Variants in DNAH12 observed in about 807,000 individuals in gnomAD.
DNAH12 encodes the protein axonemal beta dynein heavy chain 12.
Under a neutral mutation model 371.5 loss-of-function variants are expected in DNAH12, and 285 were observed. The observed-to-expected ratio is 0.77, with a 90% CI of 0.70 to 0.85. DNAH12 has a LOEUF of 0.85. Among genes scored for constraint, DNAH12 ranks in the 40% least tolerant of loss-of-function variants. The pLI is 0.00. For synonymous variants in DNAH12, 1,200 were observed against 1,213.0 expected (o/e 0.99, Z 0.22); for missense variants, 3,611 against 3,689.4 (o/e 0.98, Z 0.55).
chr3:57,459,895 A>T lies in DNAH12; in HGVS notation c.2737-109T>A, dbSNP rs377217796. 69 of 963,160 alleles carry T rather than the reference A, an allele frequency of 7.2e-5. No individual in the cohort carries two copies. In the South Asian group the frequency reaches 8.3e-4, roughly 12 times the overall value. 59.7% of individuals were successfully genotyped at this position (963,160 alleles called of 1,614,324 possible). ...CTATTATTTTTAAATAAGTGCAAACATCTCACAGCTTAAGGTTACTTATGT... is the reference window on the plus strand; with the variant it reads ...CTATTATTTTTAAATAAGTGCAAACTTCTCACAGCTTAAGGTTACTTATGT... On this transcript the variant is annotated intron_variant, in intron 19 of 73. Transcript: ENST00000495027.
At chr3:57,383,913 A>C (rs1285236960) in intron 49 of DNAH12, among the ~76,000 whole-genome samples, 1 of 152,160 alleles carries the variant, frequency 6.6e-6, no homozygotes, top group East Asian at 1.9e-4. Context: ...TACAGGGCTG[A>C]TGTTACTGAA....
chr3:57,308,580 T>C (rs1297063550), intron 69 of DNAH12, among the ~76,000 whole-genome samples: 2 of 152,160 alleles, frequency 1.3e-5, no homozygotes, highest in African/African-American at 4.8e-5. Flanking sequence ...CTATCTTGTC[T>C]AGTCATACTC....
intron 58 of DNAH12, among the ~76,000 whole-genome samples, chr3:57,359,559 C>CAAAAAAAAAAAAA (rs1268515074): frequency 1.9e-4 from 14 of 72,050 alleles, no homozygotes; most frequent in South Asian, 7.0e-4. Context: ...AACTCCATCT[C>CAAAAAAAAAAAAA]AAAAAAAAAA....
At chr3:57,322,612 A>G in intron 64 of DNAH12, 129 bp from the exon 65 acceptor site, 1 of 1,128,746 alleles carries the variant, frequency 8.9e-7, no homozygotes, top group Non-Finnish European at 1.2e-6. Flanking sequence ...TCTTAAGGTT[A>G]AGCATCTGAG....
In DNAH12 at chr3:57,405,723, G is replaced by A; in HGVS notation, c.6506C>T (p.Thr2169Ile). 6.4e-7 allele frequency: 1 copy of A among 1,551,644 alleles called. No individual in the cohort carries two copies. The highest frequency in any genetic ancestry group is 1.4e-5 in the African/African-American group (1 of 73,146). The change falls in exon 41 of 74, where the codon ACT becomes ATT. Residue 2169 changes from threonine (T) to isoleucine (I), a missense_variant. Physicochemically the swap from Thr to Ile is moderately conservative, Grantham distance 89. Coordinates refer to ENST00000495027, the MANE Select transcript of DNAH12 (RefSeq NM_001366028.2). ...DRRWLFQLTK[T>I]VIKDHFKESF... ...TTCTTTAAAATGGTCCTTTATAACA[G>A]TTTTAGTTAACTGGAACAGCCATCT...
chr3:57,518,314 C>G (rs1344662425), intron 4 of DNAH12, among the ~76,000 whole-genome samples: 1 of 152,084 alleles, frequency 6.6e-6, no homozygotes, highest in Non-Finnish European at 1.5e-5. Context: ...CACTGGAGGT[C>G]AGGAGTTTGA....
intron 43 of DNAH12, 72 bp downstream of exon 43, chr3:57,403,237 G>GCTGGT: frequency 2.9e-6 from 4 of 1,402,280 alleles, no homozygotes; most frequent in Non-Finnish European, 3.8e-6. Flanking sequence ...AGCTACACAG[G>GCTGGT]CTGGTTCTCT....
chr3:57,351,065 T>C (rs2062660761), intron 60 of DNAH12, among the ~76,000 whole-genome samples: 1 of 151,474 alleles, frequency 6.6e-6, no homozygotes, highest in Non-Finnish European at 1.5e-5. Context: ...GGTCAGGAGT[T>C]TGAGACCAGC....
rs767822957 is a variant in DNAH12, at chr3:57,542,778, G to A, written c.93C>T (p.Gly31=). 174 of 1,611,628 alleles carry A rather than the reference G, an allele frequency of 1.1e-4. 1 individual carries two copies. Among genetic ancestry groups the A allele is most frequent in the Non-Finnish European group, 1.4e-4 (164 of 1,179,166 alleles). Residue 31 remains glycine, a synonymous_variant, in exon 2 of 74, where the codon GGC becomes GGT. Coordinates refer to ENST00000495027, the MANE Select transcript of DNAH12 (RefSeq NM_001366028.2). ...GCTTACTTTGTGTTGGTGTATCAAC[G>A]CCTATGTTTTCTGGGAGATGGACAA... The part of the protein sequence containing the change: ...PPIVHLPENI[G]VDTPTQSKLL...
chr3:57,508,679 A>T, intron 6 of DNAH12, 139 bp from the exon 7 acceptor site: 1 of 896,088 alleles, frequency 1.1e-6, no homozygotes, highest in Non-Finnish European at 1.6e-6. Context: ...CAGCAATGGG[A>T]ACCTTAAGAT....
Position 57,453,289 on chromosome 3 carries a change from C to A in DNAH12, c.3571G>T (p.Asp1191Tyr). ...RTTLGALVTI[D>Y]VHARDVVMDM... ...ATGACCACATCTCTAGCATGGACATCAATAGTAACCAAAGCCCCCAGAGTG... is the reference window on the plus strand; with the variant it reads ...ATGACCACATCTCTAGCATGGACATAAATAGTAACCAAAGCCCCCAGAGTG... Residue 1191 changes from aspartate to tyrosine, a missense_variant, in exon 24 of 74, where the codon GAT (aspartate) becomes TAT (tyrosine). Transcript: ENST00000495027. 1 of 1,548,386 alleles carries A rather than the reference C, an allele frequency of 6.5e-7. No homozygotes were observed. The highest frequency in any genetic ancestry group is 1.4e-5 in the African/African-American group (1 of 72,940).
At chr3:57,507,607 T>C (rs1175220493) in intron 8 of DNAH12, 36 bp downstream of exon 8, 1 of 1,404,916 alleles carries the variant, frequency 7.1e-7, no homozygotes, top group Non-Finnish European at 9.4e-7. Context: ...CTAATTTTAA[T>C]AACATTATCA....
intron 30 of DNAH12, 120 bp downstream of exon 30, chr3:57,436,831 C>T (rs373793950): frequency 3.3e-5 from 20 of 615,316 alleles, no homozygotes; most frequent in African/African-American, 2.6e-4. Context: ...GGCCAGGGGG[C>T]GGGCGGGGGT....
rs1436915531 is a variant in DNAH12, at chr3:57,296,431, A to G, written c.11537T>C (p.Ile3846Thr). 5 of 1,550,432 alleles carry G rather than the reference A, an allele frequency of 3.2e-6. No homozygotes were observed. Among genetic ancestry groups the G allele is most frequent in the African/African-American group, 1.4e-5 (1 of 73,130 alleles). Residue 3846 changes from isoleucine (I) to threonine (T), a missense_variant, in exon 72 of 74, where the codon ATC becomes ACC. Ile to Thr is a moderately conservative substitution (Grantham distance 89). This residue lies in a region of DNAH12 where 2,266 missense variants were observed against 2,236.9 expected (regional missense o/e 1.01). Coordinates refer to ENST00000495027, the MANE Select transcript of DNAH12 (RefSeq NM_001366028.2). ...IDLLGYEFEVIPSDTSDTSPE... is the reference protein window; with the variant it reads ...IDLLGYEFEVTPSDTSDTSPE... ...TGATGTGTCAGATGTATCAGATGGG[A>G]TAACCTGAAGGGATAGGCACACACT... is the stretch of plus-strand genomic sequence containing the variant.
chr3:57,385,243 G>A (rs997626708), intron 48 of DNAH12, 106 bp downstream of exon 48: 2 of 152,130 alleles, frequency 1.3e-5, no homozygotes, highest in African/African-American at 4.8e-5. Context: ...AATGGAAAAG[G>A]GTAAAGTCTC....
At position 57,421,590 on chromosome 3, in the gene DNAH12, T is replaced by C; in HGVS notation, c.5490A>G (p.Pro1830=). ...LIILGKDDEN[P]VPDSVGKWEC... ...CCCATTTACCCACAGAATCTGGCACTGGGTTTTCATCATCTTTTCCCAGTA... is the reference window on the plus strand; with the variant it reads ...CCCATTTACCCACAGAATCTGGCACCGGGTTTTCATCATCTTTTCCCAGTA... The change falls in exon 36 of 74, where the codon CCA becomes CCG. Residue 1830 remains proline, a synonymous_variant. Transcript: ENST00000495027. 1 of 1,551,694 alleles carries C rather than the reference T, an allele frequency of 6.4e-7. No homozygotes were observed. The highest frequency in any genetic ancestry group is 8.7e-7 in the Non-Finnish European group (1 of 1,146,992).
Position 57,408,513 on chromosome 3 carries a change from T to C in DNAH12, c.6043A>G (p.Lys2015Glu), listed in dbSNP as rs1553682040. The change falls in exon 40 of 74, where the codon AAA becomes GAA. Residue 2015 changes from lysine to glutamate, a missense_variant. This residue lies in a region of DNAH12 where 2,266 missense variants were observed against 2,236.9 expected (regional missense o/e 1.01). Transcript: ENST00000495027. ...AGCTCTATGTCCACCAGCGTGATTT[T>C]ACTTGTGTCCTTAAGGTCGTACCTT... Reference protein sequence around the residue: ...GHWYDLKDTSKITLVDIELIA... With the variant: ...GHWYDLKDTSEITLVDIELIA... 1 of 1,548,726 alleles carries C rather than the reference T, an allele frequency of 6.5e-7. No homozygotes were observed. The highest frequency in any genetic ancestry group is 1.4e-5 in the African/African-American group (1 of 72,958).
Position 57,390,424 on chromosome 3 carries a change from A to AAAT in DNAH12, c.7305+1447_7305+1448insATT. ...ATCCTGTCTCAAAAAAAAAAAAAAA[A>AAAT]ATATATATATATATATATATATATA... On this transcript the variant is annotated intron_variant, in intron 45 of 73. Coordinates refer to ENST00000495027, the MANE Select transcript of DNAH12 (RefSeq NM_001366028.2). Among the ~76,000 whole-genome samples, 19 of 33,432 alleles carry AAAT rather than the reference A, an allele frequency of 5.7e-4. 1 individual carries two copies. Among genetic ancestry groups the AAAT allele is most frequent in the Non-Finnish European group, 7.0e-4 (10 of 14,320 alleles). 21.9% of individuals were successfully genotyped at this position (33,432 alleles called of 152,430 possible).
chr3:57,353,084 T>C (rs2062720868), intron 59 of DNAH12, among the ~76,000 whole-genome samples: 1 of 152,052 alleles, frequency 6.6e-6, no homozygotes, highest in Non-Finnish European at 1.5e-5. Flanking sequence ...AGACTCCGTC[T>C]CAAAAAGAAA....
Sources: gnomAD v4.1 joint callset for allele counts (sites outside exome capture counted in the v4.1 genomes callset) on GRCh38, gnomAD v4.1.1 for gene constraint, gnomAD v4.1.1 regional missense constraint, MANE v1.5 for transcripts, NCBI Gene and HGNC (gene_info 2026-07-23, HGNC 2026-07-21) for gene names.